MGA: variants seen among roughly 807,000 people sequenced by gnomAD.
MGA encodes MAX gene-associated protein.
MGA carries 40 observed loss-of-function variants against 261.1 expected under a neutral mutation model. The observed-to-expected ratio is 0.15, with a 90% CI of 0.12 to 0.20. The LOEUF (loss-of-function observed/expected upper bound fraction) is 0.20. Among genes scored for constraint, MGA ranks in the 10% least tolerant of loss-of-function variants. The pLI is 1.00. For missense variants in MGA, 3,397 were observed against 3,630.5 expected, an observed-to-expected ratio of 0.94 and a Z score of 1.65; for synonymous variants, 1,302 against 1,290.6, an observed-to-expected ratio of 1.01 and a Z score of -0.19.
In MGA at chr15:41,707,872, C is replaced by T. The variant is rs532922890; in HGVS notation, c.2320+13C>T. The T allele has an allele frequency of 1.3e-6, 2 of 1,595,688 alleles. No homozygotes were observed. Among genetic ancestry groups the T allele is most frequent in the Admixed American group, 1.8e-5 (1 of 54,146 alleles). Reference sequence around the variant, plus strand: ...CCTGCCTCTCCTGGTGAGTATGTAACATTTGTAAAGTCAAACACTATTTTT... The same window carrying T: ...CCTGCCTCTCCTGGTGAGTATGTAATATTTGTAAAGTCAAACACTATTTTT... On this transcript the variant is annotated intron_variant, in intron 6 of 23. Transcript: ENST00000219905.
chr15:41,730,762 T>C (rs989194577), intron 11 of MGA, among the ~76,000 whole-genome samples: 3 of 152,220 alleles, frequency 2.0e-5, no homozygotes, highest in Non-Finnish European at 4.4e-5. Flanking sequence ...TAATCTTGTG[T>C]GGTAAGTCTT....
At chr15:41,660,632 TGA>T (rs1304965248) in intron 1 of MGA, 107 bp downstream of exon 1, 1 of 152,628 alleles carries the variant, frequency 6.6e-6, no homozygotes, top group African/African-American at 2.4e-5. Flanking sequence ...AACGTTCCGC[TGA>T]GAGAGCTTCG....
At chr15:41,633,165 G>A (rs1045731449) in intron 1 of MGA, among the ~76,000 whole-genome samples, 2 of 151,938 alleles carry the variant, frequency 1.3e-5, no homozygotes, top group Non-Finnish European at 2.9e-5. Flanking sequence ...TAGCCAGGAT[G>A]GTCTTGATCT....
chr15:41,740,199 A>G lies in MGA; in HGVS notation c.4581A>G (p.Pro1527=), dbSNP rs376385781. Reference sequence around the variant, plus strand: ...AGGCGTTTGTCCCAGCAAAACGGCCAATTGGTAAGTTGGGGTGTATGTATG... The same window carrying G: ...AGGCGTTTGTCCCAGCAAAACGGCCGATTGGTAAGTTGGGGTGTATGTATG... Residue 1527 remains proline, a synonymous_variant, in exon 14 of 24, where the codon CCA becomes CCG. Transcript: ENST00000219905. The G allele has an allele frequency of 5.6e-6, 9 of 1,613,598 alleles. No homozygotes were observed. Among genetic ancestry groups the G allele is most frequent in the Non-Finnish European group, 7.6e-6 (9 of 1,179,726 alleles).
Position 41,764,909 on chromosome 15 carries a change from C to G in MGA, c.7768C>G (p.Pro2590Ala), listed in dbSNP as rs866002277. The G allele has an allele frequency of 1.2e-6, 2 of 1,613,904 alleles. No homozygotes were observed. The highest frequency in any genetic ancestry group is 2.7e-5 in the African/African-American group (2 of 74,926). The stretch of plus-strand genomic sequence containing the variant: ...AGAAAATACCTCACCCTTGAACACT[C>G]CACACACCTCTGCCAACCTTGTGAT... Residue 2590 changes from proline to alanine, a missense_variant, in exon 23 of 24, where the codon CCA becomes GCA. Pro to Ala is a conservative substitution (Grantham distance 27). This residue lies in a region of MGA where 647 missense variants were observed against 642.4 expected (regional missense o/e 1.01). Transcript: ENST00000219905.
intron 2 of MGA, among the ~76,000 whole-genome samples, chr15:41,672,446 C>T (rs2058111158): frequency 6.6e-6 from 1 of 152,214 alleles, no homozygotes; most frequent in African/African-American, 2.4e-5. Flanking sequence ...TGAGCTGCCA[C>T]ACCCAGCCAG....
upstream of MGA, among the ~76,000 whole-genome samples, chr15:41,656,363 T>TCTCTCTCTCTCTC (rs2057187549): frequency 7.3e-6 from 1 of 137,282 alleles, no homozygotes; most frequent in Non-Finnish European, 1.6e-5. Flanking sequence ...TCTCTCTCTC[T>TCTCTCTCTCTCTC]CTCTCTCTCT....
chr15:41,665,124 G>A (rs1203111110), intron 1 of MGA, among the ~76,000 whole-genome samples: 1 of 152,184 alleles, frequency 6.6e-6, no homozygotes, highest in African/African-American at 2.4e-5. Flanking sequence ...GATATTTTAA[G>A]CTTTGGAGCT....
chr15:41,727,497 G>T lies in MGA; in HGVS notation c.3657+91G>T. 2.4e-6 allele frequency: 3 copies of T among 1,224,766 alleles called. No homozygotes were observed. In the South Asian group the frequency reaches 4.3e-5, roughly 18 times the overall value. 75.9% of individuals were successfully genotyped at this position (1,224,766 alleles called of 1,614,324 possible). On this transcript the variant is annotated intron_variant, in intron 10 of 23. Transcript: ENST00000219905. ...AGCAGATTTTTGGTTGATATTTTGT[G>T]AATCATTTTGCTTTCAGTAATATGT...
intron 9 of MGA, among the ~76,000 whole-genome samples, chr15:41,719,288 A>T (rs759984151): frequency 2.0e-4 from 30 of 152,328 alleles, no homozygotes; most frequent in Non-Finnish European, 4.1e-4. Context: ...CATTTATCAG[A>T]AGACACTCTT....
intron 9 of MGA, among the ~76,000 whole-genome samples, chr15:41,722,484 A>G (rs537429567): frequency 6.6e-6 from 1 of 152,292 alleles, no homozygotes; most frequent in Non-Finnish European, 1.5e-5. Flanking sequence ...ACATTCAAAA[A>G]AGGAAAGCAA....
intron 17 of MGA, among the ~76,000 whole-genome samples, chr15:41,752,549 G>GTT (rs35282917): frequency 0.022 from 2,283 of 102,068 alleles, 61 homozygotes; most frequent in Non-Finnish European, 0.027. Flanking sequence ...AACCTTTAAA[G>GTT]TTTTTTTTTT....
intron 1 of MGA, among the ~76,000 whole-genome samples, chr15:41,664,497 T>G (rs1899821): frequency 0.76 from 114,992 of 152,130 alleles, 44,672 homozygotes; most frequent in East Asian, 0.89. Context: ...AGATGTTTAA[T>G]AAATTCGGCA....
intron 17 of MGA, among the ~76,000 whole-genome samples, chr15:41,753,746 T>G (rs530443465): frequency 6.6e-6 from 1 of 152,116 alleles, no homozygotes; most frequent in African/African-American, 2.4e-5. Context: ...GGCACTTGAA[T>G]TTTTCTCCTT....
In MGA at chr15:41,767,525, T is replaced by A; in HGVS notation, c.*245T>A. The A allele has an allele frequency of 1.9e-6, 1 of 527,396 alleles. No homozygotes were observed. Among genetic ancestry groups the A allele is most frequent in the Non-Finnish European group, 3.4e-6 (1 of 296,278 alleles). 32.7% of individuals were successfully genotyped at this position (527,396 alleles called of 1,614,324 possible). A position where few individuals can be genotyped will look rare whatever the true frequency, so the allele number is the denominator to read the frequency against. Reference sequence around the variant, plus strand: ...GGTCCCCTCATCCTCTCTAAGAAGATGTGATCCATTACTGAACATGAGGTG... The same window carrying A: ...GGTCCCCTCATCCTCTCTAAGAAGAAGTGATCCATTACTGAACATGAGGTG... On this transcript the variant is annotated 3_prime_UTR_variant, in exon 24 of 24. Coordinates refer to ENST00000219905, the MANE Select transcript of MGA (RefSeq NM_001164273.2).
rs951875091 is a variant in MGA at position 41,660,530 on chromosome 15, C to T, written c.-68+5C>T. ...AGGCCGGCCACGCCCCGCACGGTAACTCTCGGGCCTGGGTGGAGGGCATCG... is the reference window on the plus strand; with the variant it reads ...AGGCCGGCCACGCCCCGCACGGTAATTCTCGGGCCTGGGTGGAGGGCATCG... On this transcript the variant is annotated splice_donor_5th_base_variant and intron_variant, in intron 1 of 23. Coordinates refer to ENST00000219905, the MANE Select transcript of MGA (RefSeq NM_001164273.2). 3 of 153,070 alleles carry T rather than the reference C, an allele frequency of 2.0e-5. No individual in the cohort carries two copies. The highest frequency in any genetic ancestry group is 4.4e-5 in the Non-Finnish European group (3 of 68,378). 9.5% of individuals were successfully genotyped at this position (153,070 alleles called of 1,614,324 possible). A position where few individuals can be genotyped will look rare whatever the true frequency, so the allele number is the denominator to read the frequency against.
At chr15:41,662,967 T>A (rs1443200065) in intron 1 of MGA, among the ~76,000 whole-genome samples, 1 of 152,230 alleles carries the variant, frequency 6.6e-6, no homozygotes, top group African/African-American at 2.4e-5. Context: ...TGACTTGGAA[T>A]TTTGATTTTG....
intron 1 of MGA, among the ~76,000 whole-genome samples, chr15:41,652,783 T>C (rs2057093667): frequency 6.6e-6 from 1 of 152,038 alleles, no homozygotes; most frequent in African/African-American, 2.4e-5. Flanking sequence ...TTTTATTTAT[T>C]CATTTTCCCC....
At position 41,766,355 on chromosome 15, in the gene MGA, G is replaced by C. The variant is rs201447485; in HGVS notation, c.8273G>C (p.Trp2758Ser). 2.1e-3 allele frequency: 3,360 copies of C among 1,613,862 alleles called. 7 individuals are homozygous for C. The highest frequency in any genetic ancestry group is 2.6e-3 in the Non-Finnish European group (3,017 of 1,179,826). The stretch of plus-strand genomic sequence containing the variant: ...GATATGAGAGGGATTCAGTATAAAT[G>C]GAAAGAGAGTGAATCAAGAGGGGAG... Residue 2758 changes from tryptophan (W) to serine (S), a missense_variant, in exon 24 of 24, where the codon TGG becomes TCG. Physicochemically the swap from Trp to Ser is radical, Grantham distance 177 (BLOSUM62 -3). This residue lies in a region of MGA where 647 missense variants were observed against 642.4 expected (regional missense o/e 1.01). Transcript: ENST00000219905.
Sources: allele counts gnomAD v4.1 joint callset (sites outside exome capture counted in the v4.1 genomes callset), GRCh38; gene constraint gnomAD v4.1.1; regional missense constraint gnomAD v4.1.1; transcripts MANE v1.5; gene names NCBI Gene and HGNC (gene_info 2026-07-23, HGNC 2026-07-21).